The following PURG variants were observed in gnomAD, a reference collection of about 807,000 sequenced individuals.
The protein encoded by PURG is purine rich element binding protein G.
PURG carries 3 observed loss-of-function variants against 24.3 expected under a neutral mutation model. That is an observed-to-expected ratio of 0.12 (90% confidence interval 0.06 to 0.32). The LOEUF is 0.32. PURG is among the 10% of genes least tolerant of loss of function. The pLI is 1.00. For synonymous variants in PURG, 180 were observed against 173.1 expected (o/e 1.04, Z -0.31); for missense variants, 371 against 439.1 (o/e 0.84, Z 1.39).
chr8:31,032,142 T>C lies in PURG; in HGVS notation c.641A>G (p.His214Arg). Reference sequence around the variant, plus strand: ...AATAGTCTGTTCTTGGCCCAAACTGTGGCCAAAATAACCTATCATGCCAGT... The same window carrying C: ...AATAGTCTGTTCTTGGCCCAAACTGCGGCCAAAATAACCTATCATGCCAGT... ...RGTGMIGYFG[H>R]SLGQEQTIVL... Residue 214 changes from histidine to arginine, a missense_variant, in exon 2 of 2, where the codon CAC (histidine) becomes CGC (arginine). Physicochemically the swap from His to Arg is conservative, Grantham distance 29. Transcript: ENST00000523392. This position sits in a 1 kb window ranked among gnomAD's most constrained non-coding sequence, Gnocchi z 5.9. 1 of 1,614,236 alleles carries C rather than the reference T, an allele frequency of 6.2e-7. No individual in the cohort carries two copies. The highest frequency in any genetic ancestry group is 8.5e-7 in the Non-Finnish European group (1 of 1,180,028).
chr8:31,012,608 A>T (rs1252619683), intron 1 of PURG, among the ~76,000 whole-genome samples: 1 of 152,228 alleles, frequency 6.6e-6, no homozygotes, highest in African/African-American at 2.4e-5. Context: ...CTTTAAGAGA[A>T]GTTTCACTGA....
chr8:31,001,930 T>C (rs1386548880), intron 1 of PURG, among the ~76,000 whole-genome samples: 1 of 152,212 alleles, frequency 6.6e-6, no homozygotes, highest in African/African-American at 2.4e-5. Context: ...ATGACACAAT[T>C]GACTATTACT....
rs1352921692 is a variant in PURG, at chr8:31,032,628, C to T, written c.155G>A (p.Gly52Glu). The T allele has an allele frequency of 6.2e-7, 1 of 1,600,528 alleles. No individual in the cohort carries two copies. Among genetic ancestry groups the T allele is most frequent in the Admixed American group, 1.7e-5 (1 of 59,050 alleles). Reference sequence around the variant, plus strand: ...CAGCTCCTGGATTTCGGCTGCGCCCCCGGCCTGATTAGGGGTGGCTGAGGC... The same window carrying T: ...CAGCTCCTGGATTTCGGCTGCGCCCTCGGCCTGATTAGGGGTGGCTGAGGC... The part of the protein sequence containing the change: ...YAASATPNQA[G>E]GAAEIQELAS... Residue 52 changes from glycine to glutamate, a missense_variant, in exon 2 of 2, where the codon GGG becomes GAG. Transcript: ENST00000523392. This position sits in a 1 kb window ranked among gnomAD's most constrained non-coding sequence, Gnocchi z 5.9.
chr8:31,009,300 C>T (rs1038785400), intron 1 of PURG, among the ~76,000 whole-genome samples: 2 of 152,252 alleles, frequency 1.3e-5, no homozygotes, highest in East Asian at 3.9e-4. Flanking sequence ...GTGACATACA[C>T]CTGTAGTCCC....
chr8:31,009,676 A>C (rs1184249334), intron 1 of PURG, among the ~76,000 whole-genome samples: 2 of 152,180 alleles, frequency 1.3e-5, no homozygotes, highest in Non-Finnish European at 2.9e-5. Flanking sequence ...CAACATAATA[A>C]ATGTGATTAA....
At position 31,032,730 on chromosome 8, in the gene PURG, T is replaced by C. The variant is rs1811263692; in HGVS notation, c.53A>G (p.Lys18Arg). 1 of 1,459,554 alleles carries C rather than the reference T, an allele frequency of 6.9e-7. No homozygotes were observed. The highest frequency in any genetic ancestry group is 9.1e-7 in the Non-Finnish European group (1 of 1,103,940). 90.4% of individuals were successfully genotyped at this position (1,459,554 alleles called of 1,614,324 possible). A position where few individuals can be genotyped will look rare whatever the true frequency, so the allele number is the denominator to read the frequency against. ...GCTTAGGCCAGAGCCCCCTACATTC[T>C]TGCCTCCGCGGCCGCGGCCGCCGCC... ...GGGGGRGRGG[K>R]NVGGSGLSKS... The change falls in exon 2 of 2, where the codon AAG (lysine) becomes AGG (arginine). Residue 18 changes from lysine (K) to arginine (R), a missense_variant. Physicochemically the swap from Lys to Arg is conservative, Grantham distance 26. Around this residue, in one of 5 missense-constraint regions of PURG, gnomAD observed 213 missense variants for 230.6 expected, o/e 0.92. Coordinates refer to ENST00000523392, the MANE Select transcript of PURG (RefSeq NM_001323311.2). This position sits in a 1 kb window ranked among gnomAD's most constrained non-coding sequence, Gnocchi z 5.9.
exon 2 of PURG, chr8:30,996,569 G>C (rs1305912554): frequency 6.5e-7 from 1 of 1,530,264 alleles, no homozygotes; most frequent in Admixed American, 1.7e-5. Flanking sequence ...TTTATTCTGA[G>C]GTGTAACATA....
intron 1 of PURG, among the ~76,000 whole-genome samples, chr8:30,999,327 A>G (rs1371253232): frequency 6.6e-6 from 1 of 151,928 alleles, no homozygotes; most frequent in Non-Finnish European, 1.5e-5. Context: ...TCAGAAAATT[A>G]CTAAAATCAG....
intron 1 of PURG, among the ~76,000 whole-genome samples, chr8:31,021,112 A>G (rs1810980472): frequency 6.6e-6 from 1 of 152,218 alleles, no homozygotes; most frequent in Admixed American, 6.5e-5. Context: ...GTAATTAAAT[A>G]TGAAAATGAG....
intron 1 of PURG, among the ~76,000 whole-genome samples, chr8:31,007,142 A>C (rs1810668608): frequency 6.6e-6 from 1 of 152,242 alleles, no homozygotes; most frequent in East Asian, 1.9e-4. Flanking sequence ...TGGGATCAAC[A>C]AAAAGGACAG....
chr8:31,004,798 C>A (rs1311385591), intron 1 of PURG, among the ~76,000 whole-genome samples: 1 of 152,150 alleles, frequency 6.6e-6, no homozygotes, highest in Non-Finnish European at 1.5e-5. Context: ...ATTCCTGATG[C>A]GAACTCAGGT....
At chr8:31,020,608 T>A (rs1053631990) in intron 1 of PURG, among the ~76,000 whole-genome samples, 1 of 152,182 alleles carries the variant, frequency 6.6e-6, no homozygotes, top group Non-Finnish European at 1.5e-5. Context: ...TGAGAGGGAA[T>A]CAGAAAGGTT....
chr8:31,015,978 G>C (rs767373714), intron 1 of PURG, among the ~76,000 whole-genome samples: 3 of 152,132 alleles, frequency 2.0e-5, no homozygotes, highest in Middle Eastern at 3.2e-3. Context: ...GCTTGTGCCT[G>C]CCAAGTCGAG....
At chr8:31,027,450 T>C (rs1409213641), downstream of PURG, among the ~76,000 whole-genome samples, 1 of 151,764 alleles carries the variant, frequency 6.6e-6, no homozygotes, top group Non-Finnish European at 1.5e-5. Flanking sequence ...TTAAGTCCTA[T>C]TCATTTAAAT....
At chr8:31,021,549 C>T (rs2725379) in intron 1 of PURG, among the ~76,000 whole-genome samples, 148,476 of 152,280 alleles carry the variant, frequency 0.98, 72,505 homozygotes, top group East Asian at 1. Flanking sequence ...ATATAGGGGA[C>T]GGTTTTGGAT....
At chr8:31,009,634 T>C (rs1335598721) in intron 1 of PURG, among the ~76,000 whole-genome samples, 3 of 152,224 alleles carry the variant, frequency 2.0e-5, no homozygotes, top group Non-Finnish European at 4.4e-5. Flanking sequence ...ATTTCTAACA[T>C]GTATTATTTC....
intron 1 of PURG, among the ~76,000 whole-genome samples, chr8:31,001,549 T>C (rs1391277200): frequency 6.6e-6 from 1 of 152,188 alleles, no homozygotes; most frequent in African/African-American, 2.4e-5. Context: ...TGTATGCTCT[T>C]TGGGGCCAAA....
chr8:30,999,046 A>G (rs1810484708), intron 1 of PURG, among the ~76,000 whole-genome samples: 1 of 151,792 alleles, frequency 6.6e-6, no homozygotes, highest in Admixed American at 6.6e-5. Context: ...ACCTAACAGA[A>G]TGTATGTGTA....
At chr8:31,002,144 G>A (rs1194028181) in intron 1 of PURG, among the ~76,000 whole-genome samples, 1 of 152,110 alleles carries the variant, frequency 6.6e-6, no homozygotes, top group East Asian at 1.9e-4. Context: ...ATATACAAAG[G>A]GGATCTGGGG....
Sources: allele counts gnomAD v4.1 joint callset (sites outside exome capture counted in the v4.1 genomes callset), GRCh38; gene constraint gnomAD v4.1.1; regional missense constraint gnomAD v4.1.1; non-coding constraint Gnocchi (gnomAD v3.1); transcripts MANE v1.5; gene names NCBI Gene and HGNC (gene_info 2026-07-23, HGNC 2026-07-21).